Variants in KCNT1 observed in about 807,000 individuals in gnomAD.
The protein encoded by KCNT1 is potassium sodium-activated channel subfamily T member 1, also known as potassium channel subfamily T member 1.
In KCNT1, 78 loss-of-function variants were observed where a neutral mutation model predicts 147.8. That is an observed-to-expected ratio of 0.53 (90% CI 0.44 to 0.64). The LOEUF is 0.64. Among genes scored for constraint, KCNT1 ranks in the 30% least tolerant of loss-of-function variants. KCNT1 has a pLI of 0.00. For synonymous variants in KCNT1, 867 were observed against 748.8 expected, an observed-to-expected ratio of 1.16 and a Z score of -2.58; for missense variants, 1,419 against 1,750.3, an observed-to-expected ratio of 0.81 and a Z score of 3.38.
chr9:135,774,533 TGTCTGTGTAGTGTGTTGTGTG>T (rs1220098718), intron 19 of KCNT1, among the ~76,000 whole-genome samples: 1 of 150,592 alleles, frequency 6.6e-6, no homozygotes, highest in African/African-American at 2.5e-5. Context: ...GTGTGCTGTG[TGTCTGTGTAGTGTGTTGTGTG>T]GTCTGTGTGG....
chr9:135,734,325 C>T (rs1830246469), intron 2 of KCNT1, among the ~76,000 whole-genome samples: 1 of 152,204 alleles, frequency 6.6e-6, no homozygotes, highest in African/African-American at 2.4e-5. Flanking sequence ...CAGCCATGGG[C>T]CCTGCACCCG....
Position 135,714,978 on chromosome 9 carries a change from G to A in KCNT1, c.254+258G>A, listed in dbSNP as rs1201910860. Among the ~76,000 whole-genome samples the A allele has an allele frequency of 1.3e-5, 2 of 152,236 alleles. No individual in the cohort carries two copies. Among genetic ancestry groups the A allele is most frequent in the Admixed American group, 1.3e-4 (2 of 15,280 alleles). On this transcript the variant is annotated intron_variant, in intron 2 of 30. Transcript: ENST00000371757. This position sits in a 1 kb window ranked among gnomAD's most constrained non-coding sequence, Gnocchi z 6.2. ...TCTTCCAGAGCCCGACTTGGGGCGC[G>A]GAGGCGGAGGGCGGCCTGGCCTTCC... is the stretch of plus-strand genomic sequence containing the variant.
At chr9:135,756,657 A>G (rs1251326044) in intron 6 of KCNT1, among the ~76,000 whole-genome samples, 2 of 152,034 alleles carry the variant, frequency 1.3e-5, no homozygotes, top group Non-Finnish European at 2.9e-5. Flanking sequence ...GCGGCCCAGG[A>G]GGACCATGGT....
chr9:135,724,347 C>T (rs1836044206), intron 2 of KCNT1, among the ~76,000 whole-genome samples: 2 of 152,238 alleles, frequency 1.3e-5, no homozygotes, highest in African/African-American at 4.8e-5. Flanking sequence ...ATCCTGAGCC[C>T]CCTGAGCCTC....
chr9:135,762,001 C>T (rs1057097014), intron 11 of KCNT1, among the ~76,000 whole-genome samples: 1 of 152,246 alleles, frequency 6.6e-6, no homozygotes, highest in African/African-American at 2.4e-5. Flanking sequence ...CTCACGAGAC[C>T]GTGGCACCCA....
At chr9:135,753,284 C>A (rs1268259813) in intron 4 of KCNT1, among the ~76,000 whole-genome samples, 1 of 152,138 alleles carries the variant, frequency 6.6e-6, no homozygotes, top group Non-Finnish European at 1.5e-5. Flanking sequence ...AGGAGCTGGC[C>A]ATCACCAGGG....
chr9:135,713,304 A>T (rs955184666), intron 1 of KCNT1, among the ~76,000 whole-genome samples: 3 of 152,238 alleles, frequency 2.0e-5, no homozygotes, highest in Non-Finnish European at 2.9e-5. Flanking sequence ...GCAGTTAGGA[A>T]AATGTTATTT....
intron 5 of KCNT1, 48 bp downstream of exon 5, chr9:135,754,041 G>A (rs536243695): frequency 6.4e-7 from 1 of 1,550,888 alleles, no homozygotes; most frequent in East Asian, 2.2e-5. Flanking sequence ...AGAGGCCTGG[G>A]ACCAGGGTGG....
In KCNT1 at chr9:135,785,018, A is replaced by G. The variant is rs756695331; in HGVS notation, c.3156+129A>G. 170 of 1,393,448 alleles carry G rather than the reference A, an allele frequency of 1.2e-4. 1 individual carries two copies. Among genetic ancestry groups the G allele is most frequent in the Admixed American group, 1.1e-4 (5 of 46,390 alleles). 86.3% of individuals were successfully genotyped at this position (1,393,448 alleles called of 1,614,324 possible). ...TGTGACCCACAGCATCCCCACCTTC[A>G]GTGTCAGGGACCTGGGCTAGATCAG... On this transcript the variant is annotated intron_variant, in intron 27 of 30. Coordinates refer to ENST00000371757, the MANE Select transcript of KCNT1 (RefSeq NM_020822.3).
intron 2 of KCNT1, among the ~76,000 whole-genome samples, chr9:135,736,209 G>A (rs1057403909): frequency 6.6e-6 from 1 of 152,158 alleles, no homozygotes; most frequent in Non-Finnish European, 1.5e-5. Context: ...GGCTAGGGGT[G>A]GGCACAGCTT....
rs1834218828 is a variant in KCNT1, at chr9:135,788,201, G to A, written c.3502+1680G>A. ...GGCGGGTGCCGACCACCGCACAACG[G>A]GGCTCGCCAACCCTTCACCGCCGGC... On this transcript the variant is annotated intron_variant, in intron 29 of 30. Coordinates refer to ENST00000371757, the MANE Select transcript of KCNT1 (RefSeq NM_020822.3). 1.9e-6 allele frequency: 3 copies of A among 1,565,176 alleles called. No homozygotes were observed. The East Asian group carries it at 6.7e-5, about 35-fold the overall frequency.
intron 1 of KCNT1, among the ~76,000 whole-genome samples, chr9:135,710,274 T>C (rs1835433046): frequency 6.6e-6 from 1 of 152,154 alleles, no homozygotes; most frequent in Non-Finnish European, 1.5e-5. Context: ...GGGCTGCAGA[T>C]GGGGTCTAAT....
chr9:135,742,030 GCCGCCTGCTGGC>G (rs1288778798), intron 2 of KCNT1, among the ~76,000 whole-genome samples: 4 of 152,220 alleles, frequency 2.6e-5, no homozygotes, highest in African/African-American at 4.8e-5. Flanking sequence ...CTTGGTGTCA[GCCGCCTGCTGGC>G]CAGTCTGGGA....
chr9:135,772,751 G>T lies in KCNT1; in HGVS notation c.2045G>T (p.Arg682Leu). 2.1e-6 allele frequency: 3 copies of T among 1,461,984 alleles called. No individual in the cohort carries two copies. In the East Asian group the frequency reaches 7.8e-5, roughly 38 times the overall value. 90.6% of individuals were successfully genotyped at this position (1,461,984 alleles called of 1,614,324 possible). The change falls in exon 19 of 31, where the codon CGG becomes CTG. Residue 682 changes from arginine to leucine, a missense_variant. Physicochemically the swap from Arg to Leu is moderately radical, Grantham distance 102. Coordinates refer to ENST00000371757, the MANE Select transcript of KCNT1 (RefSeq NM_020822.3). ...ATGGACCTGCAGGGCACAGAGCACC[G>T]GCCTACGCAGAGCGGCGGTGGGGGC... is the stretch of plus-strand genomic sequence containing the variant. ...VAMDLQGTEHRPTQSGGGGGG... is the reference protein window; with the variant it reads ...VAMDLQGTEHLPTQSGGGGGG...
chr9:135,754,072 C>T (rs1831343851), intron 5 of KCNT1, 79 bp downstream of exon 5: 1 of 1,268,510 alleles, frequency 7.9e-7, no homozygotes, highest in Non-Finnish European at 1.2e-6. Context: ...GTCTCCACTC[C>T]AGCTCCCAAT....
At chr9:135,760,745 A>G (rs1395733450) in intron 11 of KCNT1, among the ~76,000 whole-genome samples, 1 of 152,194 alleles carries the variant, frequency 6.6e-6, no homozygotes, top group Non-Finnish European at 1.5e-5. Context: ...TACGGCCCCC[A>G]GCGTGGGCCA....
chr9:135,784,998 CCCACAGCATCCCCA>C (rs1833931088), intron 27 of KCNT1, 109 bp downstream of exon 27: 1 of 1,457,784 alleles, frequency 6.9e-7, no homozygotes, highest in African/African-American at 1.4e-5. Context: ...TCCTGTGTGA[CCCACAGCATCCCCA>C]CCTTCAGTGT....
At chr9:135,785,842 C>T (rs994006192) in intron 28 of KCNT1, 6 of 439,038 alleles carry the variant, frequency 1.4e-5, no homozygotes, top group Non-Finnish European at 2.1e-5. Context: ...CCTCTCAGGG[C>T]AAGGCCAGGA....
intron 29 of KCNT1, chr9:135,789,586 T>A (rs1168471746): frequency 6.6e-6 from 1 of 152,076 alleles, no homozygotes; most frequent in Admixed American, 6.5e-5. Flanking sequence ...GAGGCTCGGG[T>A]GGCGGTAGCT....
Sources: allele counts gnomAD v4.1 joint callset (sites outside exome capture counted in the v4.1 genomes callset), GRCh38; gene constraint gnomAD v4.1.1; non-coding constraint Gnocchi (gnomAD v3.1); transcripts MANE v1.5; gene names NCBI Gene and HGNC (gene_info 2026-07-23, HGNC 2026-07-21).